Variants in MDGA2 observed in about 807,000 individuals in gnomAD.
MDGA2 encodes the protein MAM domain-containing glycosylphosphatidylinositol anchor protein 2.
MDGA2 carries 40 observed loss-of-function variants against 117.8 expected under a neutral mutation model. The ratio of observed to expected loss-of-function variants is 0.34; its 90% CI spans 0.26 to 0.44. MDGA2 has a LOEUF of 0.44. Ranked by LOEUF, MDGA2 falls within the 20% of genes least tolerant of loss-of-function variation. The pLI is 1.00. For missense variants in MDGA2, 1,123 were observed against 1,250.6 expected (o/e 0.90, Z 1.54); for synonymous variants, 452 against 439.0 (o/e 1.03, Z -0.37).
intron 2 of MDGA2, among the ~76,000 whole-genome samples, chr14:47,288,621 A>T (rs1382150366): frequency 6.6e-6 from 1 of 152,176 alleles, no homozygotes; most frequent in Admixed American, 6.6e-5. Context: ...CTCATGTACC[A>T]CAAGAAGCAG....
chr14:46,864,432 A>G (rs1211839868), intron 14 of MDGA2, among the ~76,000 whole-genome samples: 1 of 150,962 alleles, frequency 6.6e-6, no homozygotes, highest in Admixed American at 6.7e-5. Context: ...TTTAGTTCCT[A>G]TAAGTCTGGT....
intron 8 of MDGA2, among the ~76,000 whole-genome samples, chr14:46,990,167 G>A (rs1452434398): frequency 6.6e-6 from 1 of 151,876 alleles, no homozygotes; most frequent in African/African-American, 2.4e-5. Flanking sequence ...TAACTCTTAG[G>A]TTTGTCTTGA....
At chr14:46,976,881 C>T (rs1378898441) in intron 8 of MDGA2, among the ~76,000 whole-genome samples, 1 of 151,844 alleles carries the variant, frequency 6.6e-6, no homozygotes, top group Non-Finnish European at 1.5e-5. Flanking sequence ...ATTATTGAAA[C>T]TAATGAGTAG....
Position 47,364,279 on chromosome 14 carries a change from T to C in MDGA2, c.281-62729A>G, listed in dbSNP as rs374487496. On this transcript the variant is annotated intron_variant, in intron 1 of 16. Coordinates refer to ENST00000399232, the MANE Select transcript of MDGA2 (RefSeq NM_001113498.3). ...GAATTATATTATATTTATTTATTTA[T>C]TTTGAGATGGAGTCTCCCTCTGGAG... Among the ~76,000 whole-genome samples, 28 of 152,326 alleles carry C rather than the reference T, an allele frequency of 1.8e-4. No homozygotes were observed. The East Asian group carries it at 4.4e-3, about 24-fold the overall frequency.
At chr14:47,299,889 T>C (rs968828673) in intron 2 of MDGA2, among the ~76,000 whole-genome samples, 1 of 152,204 alleles carries the variant, frequency 6.6e-6, no homozygotes, top group African/African-American at 2.4e-5. Context: ...CTTTGAAATT[T>C]TAGTTATCGT....
intron 10 of MDGA2, among the ~76,000 whole-genome samples, chr14:46,882,498 T>A (rs1689094931): frequency 1.3e-5 from 2 of 151,222 alleles, no homozygotes; most frequent in South Asian, 4.2e-4. Flanking sequence ...GTCTCTGATC[T>A]TGAAGTCGGG....
At chr14:47,540,516 GTA>G (rs1174090844) in intron 1 of MDGA2, among the ~76,000 whole-genome samples, 12 of 94,856 alleles carry the variant, frequency 1.3e-4, no homozygotes, top group African/African-American at 1.7e-4. Context: ...ATATGTATAT[GTA>G]TATGTGTGTG....
At chr14:47,378,486 G>A (rs1891532096) in intron 1 of MDGA2, among the ~76,000 whole-genome samples, 1 of 152,086 alleles carries the variant, frequency 6.6e-6, no homozygotes, top group Non-Finnish European at 1.5e-5. Context: ...TTAGATGAAT[G>A]GCTAACTAGA....
intron 10 of MDGA2, among the ~76,000 whole-genome samples, chr14:46,913,340 T>G (rs557302595): frequency 6.6e-6 from 1 of 152,250 alleles, no homozygotes; most frequent in Non-Finnish European, 1.5e-5. Flanking sequence ...TTTAAGATTA[T>G]ACAAAGAATC....
chr14:46,990,866 CCACACA>C lies in MDGA2; in HGVS notation c.1820-33229_1820-33224del, dbSNP rs201132208. ...TATATGGATTAGAACACACACACACCCACACACACACACACACACACACACACACAC... is the reference window on the plus strand; with the variant it reads ...TATATGGATTAGAACACACACACACCCACACACACACACACACACACACAC... On this transcript the variant is annotated intron_variant, in intron 8 of 16. Transcript: ENST00000399232. 5.2e-3 allele frequency among the ~76,000 whole-genome samples: 734 copies of C among 140,870 alleles called. 5 individuals are homozygous for C. Among genetic ancestry groups the C allele is most frequent in the East Asian group, 0.022 (110 of 4,906 alleles). The allele number at this position is 140,870 out of a possible 152,430, so 92.4% of individuals were successfully genotyped here.
intron 1 of MDGA2, among the ~76,000 whole-genome samples, chr14:47,410,567 G>A (rs1892351614): frequency 6.6e-6 from 1 of 152,002 alleles, no homozygotes; most frequent in Non-Finnish European, 1.5e-5. Context: ...TTACATAAAA[G>A]AGATATTTGA....
intron 2 of MDGA2, among the ~76,000 whole-genome samples, chr14:47,292,436 C>A (rs897705214): frequency 6.6e-6 from 1 of 152,100 alleles, no homozygotes; most frequent in African/African-American, 2.4e-5. Flanking sequence ...GTAGATCAAT[C>A]CACTTACCCA....
chr14:47,402,367 G>GAA (rs1892172394), intron 1 of MDGA2, among the ~76,000 whole-genome samples: 1 of 139,366 alleles, frequency 7.2e-6, no homozygotes, highest in Non-Finnish European at 1.5e-5. Context: ...AAGAGAGAGA[G>GAA]AGACAAAAGG....
intron 10 of MDGA2, among the ~76,000 whole-genome samples, chr14:46,912,308 C>T (rs3007117): frequency 1 from 152,017 of 152,276 alleles, 75,880 homozygotes; most frequent in Middle Eastern, 1. Context: ...CATACAAATA[C>T]AAGATTTTTC....
chr14:47,493,890 T>A (rs1488445005), intron 1 of MDGA2, among the ~76,000 whole-genome samples: 1 of 152,164 alleles, frequency 6.6e-6, no homozygotes, highest in Non-Finnish European at 1.5e-5. Context: ...CTGTGTGGTA[T>A]GGTTTGGCTG....
intron 4 of MDGA2, among the ~76,000 whole-genome samples, chr14:47,136,010 T>G (rs1156879073): frequency 6.6e-6 from 1 of 152,058 alleles, no homozygotes; most frequent in Non-Finnish European, 1.5e-5. Context: ...TAAAGTTACT[T>G]ATTCTGTGTT....
intron 1 of MDGA2, among the ~76,000 whole-genome samples, chr14:47,483,099 T>C (rs749777099): frequency 2.6e-5 from 4 of 152,032 alleles, no homozygotes; most frequent in Admixed American, 6.6e-5. Context: ...TAAAAAAAGT[T>C]TTTCATTTAT....
intron 1 of MDGA2, among the ~76,000 whole-genome samples, chr14:47,458,832 T>A (rs1457014919): frequency 6.6e-6 from 1 of 151,742 alleles, no homozygotes; most frequent in Non-Finnish European, 1.5e-5. Flanking sequence ...TGTGAATTAA[T>A]CTTTGCACTC....
chr14:47,581,114 G>A (rs1453245451), intron 1 of MDGA2, among the ~76,000 whole-genome samples: 1 of 151,938 alleles, frequency 6.6e-6, no homozygotes, highest in African/African-American at 2.4e-5. Context: ...TCAAGCTCAT[G>A]AAAGCCCTAA....
Sources: gnomAD v4.1 joint callset for allele counts (sites outside exome capture counted in the v4.1 genomes callset) on GRCh38, gnomAD v4.1.1 for gene constraint, MANE v1.5 for transcripts, NCBI Gene and HGNC (gene_info 2026-07-23, HGNC 2026-07-21) for gene names.